ABHD17C: variants seen among roughly 807,000 people sequenced by gnomAD.
ABHD17C encodes the protein abhydrolase domain containing 17C, depalmitoylase, also known as alpha/beta hydrolase domain-containing protein 17C.
In ABHD17C, 11 loss-of-function variants were observed where a neutral mutation model predicts 27.9. The ratio of observed to expected loss-of-function variants is 0.39; its 90% CI spans 0.25 to 0.65. The LOEUF is 0.65. ABHD17C is among the 30% of genes least tolerant of loss of function. ABHD17C has a pLI of 0.45. For missense variants in ABHD17C, 280 were observed against 470.2 expected (o/e 0.60, Z 3.74); for synonymous variants, 233 against 209.1 (o/e 1.11, Z -0.98).
chr15:80,727,719 T>A (rs1895000617), intron 1 of ABHD17C, among the ~76,000 whole-genome samples: 1 of 151,978 alleles, frequency 6.6e-6, no homozygotes, highest in South Asian at 2.1e-4. Context: ...ACCAGTCGGG[T>A]GACATGTGTG....
At chr15:80,718,935 G>A (rs112042526) in intron 1 of ABHD17C, among the ~76,000 whole-genome samples, 4 of 152,112 alleles carry the variant, frequency 2.6e-5, no homozygotes, top group Non-Finnish European at 4.4e-5. Context: ...TGATGATGGC[G>A]ACATACAGGG....
chr15:80,714,306 A>AT (rs1894773998), intron 1 of ABHD17C, among the ~76,000 whole-genome samples: 1 of 152,196 alleles, frequency 6.6e-6, no homozygotes, highest in Non-Finnish European at 1.5e-5. Flanking sequence ...GTTCTGGTGT[A>AT]TCCGGCATTC....
At chr15:80,710,352 T>C (rs1003394314) in intron 1 of ABHD17C, among the ~76,000 whole-genome samples, 1 of 152,118 alleles carries the variant, frequency 6.6e-6, no homozygotes, top group Non-Finnish European at 1.5e-5. Context: ...TTGCAGACCA[T>C]TGCAGGGACT....
chr15:80,735,149 A>T (rs987608866), intron 1 of ABHD17C, among the ~76,000 whole-genome samples: 5 of 152,182 alleles, frequency 3.3e-5, no homozygotes, highest in Non-Finnish European at 5.9e-5. Flanking sequence ...GGTCTTTCTT[A>T]ACATAGATAT....
chr15:80,746,583 T>A (rs1353566606), intron 1 of ABHD17C, among the ~76,000 whole-genome samples: 3 of 152,218 alleles, frequency 2.0e-5, no homozygotes, highest in East Asian at 1.9e-4. Flanking sequence ...TGTGTCCTAG[T>A]GCTGAGAACC....
intron 1 of ABHD17C, among the ~76,000 whole-genome samples, chr15:80,738,140 C>T (rs1255737622): frequency 6.6e-6 from 1 of 151,692 alleles, no homozygotes; most frequent in African/African-American, 2.4e-5. Context: ...CAGGTTCTGC[C>T]TTGGGAAAAA....
chr15:80,723,210 A>G (rs1894924001), intron 1 of ABHD17C, among the ~76,000 whole-genome samples: 1 of 151,640 alleles, frequency 6.6e-6, no homozygotes, highest in South Asian at 2.1e-4. Flanking sequence ...TTTAAATTCC[A>G]ATATTATAAA....
At chr15:80,707,394 T>C (rs1596060315) in intron 1 of ABHD17C, among the ~76,000 whole-genome samples, 1 of 152,168 alleles carries the variant, frequency 6.6e-6, no homozygotes, top group East Asian at 1.9e-4. Context: ...CTTCCTGCAG[T>C]AGGAGTTCAG....
intron 1 of ABHD17C, among the ~76,000 whole-genome samples, chr15:80,711,148 CTG>C (rs1894723215): frequency 1.3e-5 from 2 of 152,234 alleles, no homozygotes; most frequent in African/African-American, 4.8e-5. Flanking sequence ...ACCTCTGCTT[CTG>C]TGCCAAAATC....
intron 1 of ABHD17C, among the ~76,000 whole-genome samples, chr15:80,705,367 G>GTGTGTGTGTGT (rs57722326): frequency 1.7e-4 from 25 of 150,256 alleles, no homozygotes; most frequent in Non-Finnish European, 2.7e-4. Context: ...GTGTGTGTGT[G>GTGTGTGTGTGT]GTTAGGAGCA....
chr15:80,706,362 C>G (rs1243598204), intron 1 of ABHD17C, among the ~76,000 whole-genome samples: 21 of 152,304 alleles, frequency 1.4e-4, no homozygotes, highest in Admixed American at 1.2e-3. Context: ...GGATAGTTAA[C>G]GGTTGTACGT....
intron 1 of ABHD17C, among the ~76,000 whole-genome samples, chr15:80,706,429 G>GTA (rs1185304879): frequency 6.6e-6 from 1 of 152,158 alleles, no homozygotes; most frequent in African/African-American, 2.4e-5. Flanking sequence ...TGTTAACAGA[G>GTA]TACTGTTTAA....
chr15:80,745,027 A>G (rs185851477), intron 1 of ABHD17C, among the ~76,000 whole-genome samples: 1 of 152,314 alleles, frequency 6.6e-6, no homozygotes, highest in African/African-American at 2.4e-5. Flanking sequence ...TCCATATCTG[A>G]AGTATCTGGT....
At chr15:80,741,030 A>C (rs929129136) in intron 1 of ABHD17C, among the ~76,000 whole-genome samples, 8 of 152,180 alleles carry the variant, frequency 5.3e-5, no homozygotes, top group Non-Finnish European at 8.8e-5. Flanking sequence ...CGTTGCCCAC[A>C]TAGCTTGTAC....
At chr15:80,745,847 T>G (rs1389646782) in intron 1 of ABHD17C, among the ~76,000 whole-genome samples, 1 of 152,238 alleles carries the variant, frequency 6.6e-6, no homozygotes, top group Non-Finnish European at 1.5e-5. Context: ...ACAGTTTCTT[T>G]ATCCACTCTG....
chr15:80,738,074 T>C (rs1596071379), intron 1 of ABHD17C, among the ~76,000 whole-genome samples: 1 of 151,506 alleles, frequency 6.6e-6, no homozygotes, highest in Non-Finnish European at 1.5e-5. Flanking sequence ...GGAAAACAGG[T>C]CTGGGAGAGA....
At chr15:80,709,495 A>C (rs1241110668) in intron 1 of ABHD17C, among the ~76,000 whole-genome samples, 2 of 151,732 alleles carry the variant, frequency 1.3e-5, no homozygotes, top group Admixed American at 6.6e-5. Context: ...TCTCAAAAAA[A>C]AAAAAACAAA....
chr15:80,732,447 G>A (rs1895069759), intron 1 of ABHD17C, among the ~76,000 whole-genome samples: 1 of 152,122 alleles, frequency 6.6e-6, no homozygotes. Flanking sequence ...CAGAGCTTTA[G>A]TTTCCTTCTC....
At chr15:80,717,805 T>A (rs1894828670) in intron 1 of ABHD17C, among the ~76,000 whole-genome samples, 2 of 152,196 alleles carry the variant, frequency 1.3e-5, no homozygotes, top group African/African-American at 4.8e-5. Context: ...AAGCCGAACC[T>A]TCTCCCCTGG....
Sources: allele counts gnomAD v4.1 joint callset (sites outside exome capture counted in the v4.1 genomes callset), GRCh38; gene constraint gnomAD v4.1.1; transcripts MANE v1.5; gene names NCBI Gene and HGNC (gene_info 2026-07-23, HGNC 2026-07-21).